MIPOL1: variants seen among roughly 807,000 people sequenced by gnomAD.
MIPOL1 encodes the protein mirror-image polydactyly 1, also known as mirror-image polydactyly gene 1 protein.
MIPOL1 carries 57 observed loss-of-function variants against 60.9 expected under a neutral mutation model. The observed-to-expected ratio is 0.94, with a 90% CI of 0.76 to 1.17. The LOEUF (loss-of-function observed/expected upper bound fraction) is 1.17, where lower values mean the gene tolerates loss of function less well. Among genes scored for constraint, MIPOL1 ranks in the 50% most tolerant of loss-of-function variants. MIPOL1 has a pLI of 0.00. For synonymous variants in MIPOL1, 179 were observed against 168.8 expected, an observed-to-expected ratio of 1.06 and a Z score of -0.47; for missense variants, 551 against 511.6, an observed-to-expected ratio of 1.08 and a Z score of -0.74.
chr14:37,370,404 G>A (rs2092607038), intron 10 of MIPOL1, among the ~76,000 whole-genome samples: 2 of 116,024 alleles, frequency 1.7e-5, no homozygotes, highest in South Asian at 6.9e-4. Context: ...AGAAATCCAT[G>A]AGAAACAGAA....
At chr14:37,273,483 T>A (rs1007679150) in intron 6 of MIPOL1, among the ~76,000 whole-genome samples, 1 of 151,316 alleles carries the variant, frequency 6.6e-6, no homozygotes, top group Admixed American at 6.6e-5. Context: ...TGCCATTTTT[T>A]ACCCACACCC....
intron 11 of MIPOL1, among the ~76,000 whole-genome samples, chr14:37,462,238 C>A (rs748974833): frequency 6.6e-6 from 1 of 152,206 alleles, no homozygotes; most frequent in Non-Finnish European, 1.5e-5. Flanking sequence ...AGGCTTGCAC[C>A]CTCTGAAGCC....
At chr14:37,408,544 C>T (rs746730129) in intron 10 of MIPOL1, among the ~76,000 whole-genome samples, 14 of 152,102 alleles carry the variant, frequency 9.2e-5, no homozygotes, top group Non-Finnish European at 1.8e-4. Context: ...GTTGCAGGAT[C>T]GTTGAGCCCC....
intron 11 of MIPOL1, among the ~76,000 whole-genome samples, chr14:37,494,586 G>C (rs1220641302): frequency 6.6e-6 from 1 of 152,176 alleles, no homozygotes; most frequent in Non-Finnish European, 1.5e-5. Flanking sequence ...ACCACAGCAA[G>C]TATAGAAGAG....
At chr14:37,230,901 TATTC>T (rs1970522353) in intron 1 of MIPOL1, among the ~76,000 whole-genome samples, 1 of 152,180 alleles carries the variant, frequency 6.6e-6, no homozygotes, top group South Asian at 2.1e-4. Context: ...ATATTTTACC[TATTC>T]ATTATGTAAC....
chr14:37,230,746 T>C (rs115056364), intron 1 of MIPOL1, among the ~76,000 whole-genome samples: 117 of 152,288 alleles, frequency 7.7e-4, no homozygotes, highest in African/African-American at 2.5e-3. Context: ...AAAGGACTGA[T>C]ATATAAGCTT....
chr14:37,340,798 T>A (rs559304186), intron 9 of MIPOL1, among the ~76,000 whole-genome samples: 51 of 152,262 alleles, frequency 3.3e-4, no homozygotes, highest in Middle Eastern at 3.4e-3. Flanking sequence ...TTTTATAAAA[T>A]CTATAGTAGT....
chr14:37,270,552 G>A (rs762314874), intron 6 of MIPOL1, 27 bp downstream of exon 6: 156 of 1,261,028 alleles, frequency 1.2e-4, no homozygotes, highest in Non-Finnish European at 3.2e-5. Context: ...TTAACACATG[G>A]CTTGAAGAAT....
chr14:37,497,968 A>G (rs2095157987), intron 11 of MIPOL1, among the ~76,000 whole-genome samples: 1 of 152,204 alleles, frequency 6.6e-6, no homozygotes, highest in South Asian at 2.1e-4. Flanking sequence ...AGGTCCATCA[A>G]AAGACATGTA....
intron 7 of MIPOL1, among the ~76,000 whole-genome samples, chr14:37,304,818 AT>A (rs1182449480): frequency 6.6e-6 from 1 of 151,770 alleles, no homozygotes; most frequent in Non-Finnish European, 1.5e-5. Flanking sequence ...GCCCATAGAC[AT>A]TTACTTCAGC....
chr14:37,311,665 T>C, intron 9 of MIPOL1, among the ~76,000 whole-genome samples: 1 of 152,330 alleles, frequency 6.6e-6, no homozygotes, highest in African/African-American at 2.4e-5. Flanking sequence ...GGAATAGTTT[T>C]AGATTACAGA....
chr14:37,206,939 C>G (rs896929078), intron 1 of MIPOL1, among the ~76,000 whole-genome samples: 1 of 152,184 alleles, frequency 6.6e-6, no homozygotes, highest in Admixed American at 6.5e-5. Context: ...TTTGCAGGCT[C>G]ACAGGTGGAA....
intron 7 of MIPOL1, among the ~76,000 whole-genome samples, chr14:37,304,708 T>C (rs1731384124): frequency 6.6e-6 from 1 of 151,788 alleles, no homozygotes; most frequent in Non-Finnish European, 1.5e-5. Flanking sequence ...GATTTAGGGA[T>C]AAATCAAGAA....
At chr14:37,446,841 G>T (rs376100046) in intron 11 of MIPOL1, among the ~76,000 whole-genome samples, 3 of 151,350 alleles carry the variant, frequency 2.0e-5, no homozygotes, top group African/African-American at 4.9e-5. Context: ...ACCAAACACC[G>T]CATGTTCTCA....
intron 10 of MIPOL1, among the ~76,000 whole-genome samples, chr14:37,383,689 A>C (rs1175154492): frequency 1.3e-5 from 2 of 151,984 alleles, no homozygotes; most frequent in African/African-American, 4.8e-5. Context: ...TTACCAAGAA[A>C]ACTTGAGTAT....
intron 9 of MIPOL1, among the ~76,000 whole-genome samples, chr14:37,356,452 G>T (rs1185001248): frequency 1.3e-5 from 2 of 152,168 alleles, no homozygotes; most frequent in Non-Finnish European, 2.9e-5. Flanking sequence ...GAGCTTCCAG[G>T]CTGCTTTGTT....
intron 10 of MIPOL1, among the ~76,000 whole-genome samples, chr14:37,403,720 T>G (rs1319058714): frequency 6.6e-6 from 1 of 152,210 alleles, no homozygotes; most frequent in African/African-American, 2.4e-5. Flanking sequence ...ATTTACAGTT[T>G]CTGTCCCTGT....
At chr14:37,495,121 T>C (rs1200630719) in intron 11 of MIPOL1, among the ~76,000 whole-genome samples, 1 of 150,880 alleles carries the variant, frequency 6.6e-6, no homozygotes, top group Non-Finnish European at 1.5e-5. Flanking sequence ...ATTTTTCTTT[T>C]TTTTTTTTTT....
At chr14:37,269,681 T>C (rs1368113997) in intron 5 of MIPOL1, among the ~76,000 whole-genome samples, 1 of 152,216 alleles carries the variant, frequency 6.6e-6, no homozygotes, top group East Asian at 1.9e-4. Context: ...GATATTAAGA[T>C]TATTGTCTTA....
Sources: gnomAD v4.1 joint callset for allele counts (sites outside exome capture counted in the v4.1 genomes callset) on GRCh38, gnomAD v4.1.1 for gene constraint, MANE v1.5 for transcripts, NCBI Gene and HGNC (gene_info 2026-07-23, HGNC 2026-07-21) for gene names.